MYT1: variants seen among roughly 807,000 people sequenced by gnomAD.
The protein encoded by MYT1 is myelin transcription factor 1, also known as myelin transcription factor I.
Under a neutral mutation model 123.0 loss-of-function variants are expected in MYT1, and 23 were observed. The ratio of observed to expected loss-of-function variants is 0.19; its 90% CI spans 0.13 to 0.26. The LOEUF is 0.26. Among genes scored for constraint, MYT1 ranks in the 10% least tolerant of loss-of-function variants. The probability of loss-of-function intolerance (pLI) is 1.00; values close to 1 mark genes in which losing one functional copy is unlikely to be tolerated. For synonymous variants in MYT1, 518 were observed against 575.3 expected, an observed-to-expected ratio of 0.90 and a Z score of 1.43; for missense variants, 1,125 against 1,472.5, an observed-to-expected ratio of 0.76 and a Z score of 3.86.
chr20:64,171,084 A>AT (rs71197460), intron 1 of MYT1, among the ~76,000 whole-genome samples: 10 of 143,760 alleles, frequency 7.0e-5, no homozygotes, highest in South Asian at 2.2e-4. Context: ...TAATTTTTGT[A>AT]TTTTTTTTTT....
rs1983731704 is a variant in MYT1, at chr20:64,213,091, C to G, written c.1518-443C>G. Among the ~76,000 whole-genome samples the G allele has an allele frequency of 6.6e-6, 1 of 152,006 alleles. No individual in the cohort carries two copies. The highest frequency in any genetic ancestry group is 1.9e-4 in the East Asian group (1 of 5,180). Reference sequence around the variant, plus strand: ...CCAGGGTCAGTGCCCAGGCTGTGGTCCAAGTGGGGCCCTGGGCTGCCCCAG... The same window carrying G: ...CCAGGGTCAGTGCCCAGGCTGTGGTGCAAGTGGGGCCCTGGGCTGCCCCAG... On this transcript the variant is annotated intron_variant, in intron 9 of 22. Coordinates refer to ENST00000328439, the MANE Select transcript of MYT1 (RefSeq NM_004535.3). This position sits in a 1 kb window ranked among gnomAD's most constrained non-coding sequence, Gnocchi z 5.6.
At chr20:64,172,005 C>T (rs1167667788) in intron 1 of MYT1, among the ~76,000 whole-genome samples, 1 of 152,204 alleles carries the variant, frequency 6.6e-6, no homozygotes, top group Non-Finnish European at 1.5e-5. Context: ...GGTGAGCTCT[C>T]CCCCTGCCAG....
At chr20:64,234,987 G>C (rs1185871926) in intron 19 of MYT1, among the ~76,000 whole-genome samples, 1 of 149,454 alleles carries the variant, frequency 6.7e-6, no homozygotes, top group African/African-American at 2.5e-5. Context: ...GCTGTGGTGG[G>C]TGACACTGGG....
rs1001155535 is a variant in MYT1, at chr20:64,212,506, G to A, written c.1517+368G>A. On this transcript the variant is annotated intron_variant, in intron 9 of 22. Transcript: ENST00000328439. The surrounding 1 kb of genome is among the most constrained non-coding windows in gnomAD (Gnocchi z 6.8). ...AGTGGTGTTGCTGCCTTAACCCTAC[G>A]AGCTCCCGAGAGAGCAGGGGGCGGC... Among the ~76,000 whole-genome samples, 3 of 152,168 alleles carry A rather than the reference G, an allele frequency of 2.0e-5. No homozygotes were observed. Among genetic ancestry groups the A allele is most frequent in the Non-Finnish European group, 2.9e-5 (2 of 68,020 alleles).
intron 5 of MYT1, 133 bp downstream of exon 5, chr20:64,205,230 G>A: frequency 9.2e-7 from 1 of 1,091,914 alleles, no homozygotes; most frequent in Non-Finnish European, 1.3e-6. Context: ...CTGCGAGGCA[G>A]CGACCTCCCA....
chr20:64,240,236 A>C (rs904855762), intron 22 of MYT1, 84 bp from the exon 23 acceptor site: 3 of 1,557,776 alleles, frequency 1.9e-6, no homozygotes, highest in Non-Finnish European at 2.6e-6. Context: ...ACGTGGGGAC[A>C]TAGGTTTGAT....
chr20:64,239,754 G>A lies in MYT1; in HGVS notation c.3094-6G>A, dbSNP rs752408375. 1.2e-6 allele frequency: 2 copies of A among 1,613,736 alleles called. No homozygotes were observed. The highest frequency in any genetic ancestry group is 1.7e-6 in the Non-Finnish European group (2 of 1,179,920). On this transcript the variant is annotated splice_polypyrimidine_tract_variant and splice_region_variant and intron_variant, in intron 21 of 22. Coordinates refer to ENST00000328439, the MANE Select transcript of MYT1 (RefSeq NM_004535.3). The stretch of plus-strand genomic sequence containing the variant: ...AGGCGGCACTTCGAATCTCTCTCTG[G>A]CACAGATCTCCTCCATGGAGAAGAA...
At chr20:64,230,729 T>G (rs555907985) in intron 18 of MYT1, among the ~76,000 whole-genome samples, 1 of 152,316 alleles carries the variant, frequency 6.6e-6, no homozygotes, top group African/African-American at 2.4e-5. Context: ...CCCCTGGCAG[T>G]GTCTCTGCTC....
chr20:64,186,652 G>A lies in MYT1; in HGVS notation c.-98-3411G>A, dbSNP rs1046407671. ...GTCTGAGTTGGTGGCAGTGCCCTGT[G>A]TGAGCTTTGGGGACCCTTGTTCCCA... On this transcript the variant is annotated intron_variant, in intron 1 of 22. Transcript: ENST00000328439. The surrounding 1 kb of genome is among the most constrained non-coding windows in gnomAD (Gnocchi z 4.3). Among the ~76,000 whole-genome samples the A allele has an allele frequency of 6.6e-6, 1 of 152,276 alleles. No homozygotes were observed. Among genetic ancestry groups the A allele is most frequent in the African/African-American group, 2.4e-5 (1 of 41,476 alleles).
rs189194201 is a variant in MYT1 at position 64,232,615 on chromosome 20, C to T, written c.2897+230C>T. 8.3e-4 allele frequency among the ~76,000 whole-genome samples: 127 copies of T among 152,222 alleles called. 1 individual carries two copies. Among genetic ancestry groups the T allele is most frequent in the Non-Finnish European group, 1.0e-4 (7 of 67,986 alleles). ...CCATGCGTCTCCCCTCATACGCCAC[C>T]CTTCCACATCCTGATGGAGTCCTTC... On this transcript the variant is annotated intron_variant, in intron 19 of 22. Coordinates refer to ENST00000328439, the MANE Select transcript of MYT1 (RefSeq NM_004535.3). The surrounding 1 kb of genome is among the most constrained non-coding windows in gnomAD (Gnocchi z 6.9).
At chr20:64,188,480 C>T (rs1367680738) in intron 1 of MYT1, among the ~76,000 whole-genome samples, 1 of 152,154 alleles carries the variant, frequency 6.6e-6, no homozygotes, top group East Asian at 1.9e-4. Flanking sequence ...GAACCCTGTG[C>T]ACTTTGGGGC....
At position 64,205,575 on chromosome 20, in the gene MYT1, A is replaced by G; in HGVS notation, c.172A>G (p.Lys58Glu). 6.2e-7 allele frequency: 1 copy of G among 1,614,028 alleles called. No homozygotes were observed. The highest frequency in any genetic ancestry group is 8.5e-7 in the Non-Finnish European group (1 of 1,180,022). ...HRSLQSCPLAKKRKLEGAEAE... is the reference protein window; with the variant it reads ...HRSLQSCPLAEKRKLEGAEAE... ...CAGTTTACAGAGCTGCCCCCTGGCC[A>G]AGAAGAGGAAGCTGGAGGGCGCTGA... The change falls in exon 6 of 23, where the codon AAG becomes GAG. Residue 58 changes from lysine to glutamate, a missense_variant. Lys to Glu is a moderately conservative substitution (Grantham distance 56). Transcript: ENST00000328439.
Position 64,205,113 on chromosome 20 carries a change from G to T in MYT1, c.149+16G>T, listed in dbSNP as rs1347167620. On this transcript the variant is annotated intron_variant, in intron 5 of 22. Transcript: ENST00000328439. ...GGCACCGAAGGTAAGAGGACCCTTG[G>T]ATCTCACGGAGATTCCTGGGCGGTA... The T allele has an allele frequency of 6.2e-7, 1 of 1,613,432 alleles. No individual in the cohort carries two copies. The highest frequency in any genetic ancestry group is 1.1e-5 in the South Asian group (1 of 91,084).
rs1349351145 is a variant in MYT1, at chr20:64,212,197, GGGTGGGGGCCGT to G, written c.1517+70_1517+81del. Reference sequence around the variant, plus strand: ...AGGGTGGGGGCCGTGGTGGGGGCCAGGGTGGGGGCCGTGGTGGGGGCCAGGGTGGGGGCCGTG... The same window carrying G: ...AGGGTGGGGGCCGTGGTGGGGGCCAGGGTGGGGGCCAGGGTGGGGGCCGTG... On this transcript the variant is annotated intron_variant, in intron 9 of 22. Coordinates refer to ENST00000328439, the MANE Select transcript of MYT1 (RefSeq NM_004535.3). The surrounding 1 kb of genome is among the most constrained non-coding windows in gnomAD (Gnocchi z 6.8). The G allele has an allele frequency of 3.0e-3, 914 of 306,694 alleles. 32 individuals are homozygous for G. In the African/African-American group the frequency reaches 0.049, roughly 16 times the overall value. The allele number at this position is 306,694 out of a possible 1,614,324, so 19.0% of individuals were successfully genotyped here.
At chr20:64,198,974 C>T in intron 3 of MYT1, 58 bp downstream of exon 3, 2 of 1,582,116 alleles carry the variant, frequency 1.3e-6, no homozygotes, top group Non-Finnish European at 1.7e-6. Flanking sequence ...CCGCGGTCTT[C>T]CTCAGGAGCA....
chr20:64,205,032 C>T lies in MYT1; in HGVS notation c.87-3C>T. The stretch of plus-strand genomic sequence containing the variant: ...GTGGCCTTGCCTTTTTATTTCCCCT[C>T]AGCTGCCCCACCCCAGGATGCACAG... On this transcript the variant is annotated splice_polypyrimidine_tract_variant and splice_region_variant and intron_variant, in intron 4 of 22. Transcript: ENST00000328439. The T allele has an allele frequency of 6.2e-7, 1 of 1,614,014 alleles. No individual in the cohort carries two copies. Among genetic ancestry groups the T allele is most frequent in the Non-Finnish European group, 8.5e-7 (1 of 1,179,998 alleles).
Position 64,191,372 on chromosome 20 carries a change from G to A in MYT1, c.-1+1212G>A, listed in dbSNP as rs997820807. ...CACCAATACTCTCTGGATGAGGCCA[G>A]GTCCCCAGGGTCAGGTGACCCTCAC... On this transcript the variant is annotated intron_variant, in intron 2 of 22. Transcript: ENST00000328439. The surrounding 1 kb of genome is among the most constrained non-coding windows in gnomAD (Gnocchi z 4.1). 3 of 152,250 alleles carry A rather than the reference G, an allele frequency of 2.0e-5. No homozygotes were observed. Among genetic ancestry groups the A allele is most frequent in the East Asian group, 1.9e-4 (1 of 5,200 alleles). 9.4% of individuals were successfully genotyped at this position (152,250 alleles called of 1,614,324 possible).
intron 16 of MYT1, among the ~76,000 whole-genome samples, chr20:64,226,463 G>A (rs138112431): frequency 1.1e-4 from 17 of 152,332 alleles, no homozygotes; most frequent in Admixed American, 9.1e-4. Flanking sequence ...CCTGGGGTCT[G>A]AGCACCACTG....
rs952448004 is a variant in MYT1 at position 64,222,007 on chromosome 20, C to G, written c.2356C>G (p.Leu786Val). Residue 786 changes from leucine to valine, a missense_variant, in exon 14 of 23, where the codon CTG (leucine) becomes GTG (valine). By Grantham distance (32) the Leu-to-Val change is conservative (BLOSUM62 1). Coordinates refer to ENST00000328439, the MANE Select transcript of MYT1 (RefSeq NM_004535.3). ...GGAAGTCACCCTGACCAACTTTAAGCTGAAGTTTCTCTCCAAGGACATAAA... is the reference window on the plus strand; with the variant it reads ...GGAAGTCACCCTGACCAACTTTAAGGTGAAGTTTCTCTCCAAGGACATAAA... Reference protein sequence around the residue: ...PGEVTLTNFKLKFLSKDIKKE... With the variant: ...PGEVTLTNFKVKFLSKDIKKE... The G allele has an allele frequency of 2.5e-6, 4 of 1,613,220 alleles. No homozygotes were observed. Among genetic ancestry groups the G allele is most frequent in the Non-Finnish European group, 3.4e-6 (4 of 1,180,014 alleles).
Sources: gnomAD v4.1 joint callset for allele counts (sites outside exome capture counted in the v4.1 genomes callset) on GRCh38, gnomAD v4.1.1 for gene constraint, Gnocchi (gnomAD v3.1) non-coding constraint, MANE v1.5 for transcripts, NCBI Gene and HGNC (gene_info 2026-07-23, HGNC 2026-07-21) for gene names.